Variants in CEP83 observed in about 807,000 individuals in gnomAD.
CEP83 encodes centrosomal protein 83.
CEP83 carries 70 observed loss-of-function variants against 101.9 expected under a neutral mutation model. That is an observed-to-expected ratio of 0.69 (90% CI 0.57 to 0.84). The LOEUF is 0.84. CEP83 is among the 40% of genes least tolerant of loss of function. The pLI is 0.00. For synonymous variants in CEP83, 264 were observed against 267.9 expected, an observed-to-expected ratio of 0.99 and a Z score of 0.14; for missense variants, 715 against 787.2, an observed-to-expected ratio of 0.91 and a Z score of 1.10.
At chr12:94,456,213 C>T (rs557965576) in intron 1 of CEP83, among the ~76,000 whole-genome samples, 3 of 152,262 alleles carry the variant, frequency 2.0e-5, no homozygotes, top group Admixed American at 2.0e-4. Flanking sequence ...AGAATAGTGC[C>T]AGCATTCCTG....
chr12:94,418,101 C>A (rs1451414673), intron 2 of CEP83, among the ~76,000 whole-genome samples: 1 of 152,092 alleles, frequency 6.6e-6, no homozygotes, highest in Non-Finnish European at 1.5e-5. Flanking sequence ...GTGGCTCATG[C>A]CTGTAATCCT....
At chr12:94,300,511 A>G in the CEP83 span, among the ~76,000 whole-genome samples, 2 of 152,212 alleles carry the variant, frequency 1.3e-5, no homozygotes, top group African/African-American at 4.8e-5. Context: ...GGTGTTATCC[A>G]GAGGGAGATG....
intron 6 of CEP83, among the ~76,000 whole-genome samples, chr12:94,386,439 T>C (rs2062153075): frequency 6.6e-6 from 1 of 152,176 alleles, no homozygotes; most frequent in Non-Finnish European, 1.5e-5. Context: ...AGCTCTGCAA[T>C]ACTCTGCTTT....
At chr12:94,348,549 C>T (rs1025329959) in intron 11 of CEP83, among the ~76,000 whole-genome samples, 4 of 151,952 alleles carry the variant, frequency 2.6e-5, no homozygotes, top group African/African-American at 4.8e-5. Flanking sequence ...GGATTTCATA[C>T]GACTACCGGC....
rs561269939 is a variant in CEP83 at position 94,331,515 on chromosome 12, C to T, written c.1707+185G>A. 1.4e-3 allele frequency among the ~76,000 whole-genome samples: 213 copies of T among 151,470 alleles called. 2 individuals are homozygous for T. Among genetic ancestry groups the T allele is most frequent in the African/African-American group, 4.9e-3 (201 of 41,316 alleles). On this transcript the variant is annotated intron_variant, in intron 14 of 16. Coordinates refer to ENST00000397809, the MANE Select transcript of CEP83 (RefSeq NM_016122.3). ...CCGAGTAGCTGGGGCTACAGGCGCC[C>T]GCCACTATGCCTGGCTAATTTTTTT...
intron 11 of CEP83, chr12:94,361,332 T>G (rs1306446102): frequency 3.3e-5 from 5 of 152,174 alleles, no homozygotes; most frequent in Non-Finnish European, 7.3e-5. Context: ...CTACTGCAAT[T>G]GGGCATTCAC....
Position 94,331,705 on chromosome 12 carries a change from T to C in CEP83, c.1702A>G (p.Lys568Glu). 6.2e-7 allele frequency: 1 copy of C among 1,613,778 alleles called. No individual in the cohort carries two copies. Among genetic ancestry groups the C allele is most frequent in the Non-Finnish European group, 8.5e-7 (1 of 1,179,938 alleles). Residue 568 changes from lysine to glutamate, a missense_variant, in exon 14 of 17, where the codon AAA becomes GAA. Coordinates refer to ENST00000397809, the MANE Select transcript of CEP83 (RefSeq NM_016122.3). ...EKLQRAAIAQKKRKSLHENKL... is the reference protein window; with the variant it reads ...EKLQRAAIAQEKRKSLHENKL... ...CTTTAATAAGAACCACTTGCCTTTT[T>C]CTGGGCAATTGCAGCTCGCTGCAGT...
intron 12 of CEP83, 64 bp from the exon 13 acceptor site, chr12:94,333,703 A>T: frequency 6.7e-7 from 1 of 1,501,788 alleles, no homozygotes; most frequent in South Asian, 1.2e-5. Flanking sequence ...GTATGAGAGA[A>T]GCAGAAGATA....
chr12:94,317,727 C>G (rs1970939403), intron 14 of CEP83, among the ~76,000 whole-genome samples: 1 of 151,882 alleles, frequency 6.6e-6, no homozygotes. Context: ...ATGATTGTAG[C>G]TGTGAGGCCT....
chr12:94,401,962 C>T (rs1458131039), intron 5 of CEP83, among the ~76,000 whole-genome samples: 1 of 152,146 alleles, frequency 6.6e-6, no homozygotes, highest in African/African-American at 2.4e-5. Flanking sequence ...CACTAGACTA[C>T]AGCTCTCCAA....
chr12:94,408,754 T>A (rs1455311139), intron 4 of CEP83, among the ~76,000 whole-genome samples: 1 of 152,014 alleles, frequency 6.6e-6, no homozygotes, highest in East Asian at 1.9e-4. Context: ...TAACTTATTT[T>A]ACTTTACTTT....
chr12:94,454,118 G>A (rs1433347606), intron 1 of CEP83, among the ~76,000 whole-genome samples: 1 of 151,402 alleles, frequency 6.6e-6, no homozygotes, highest in Non-Finnish European at 1.5e-5. Flanking sequence ...AAAAATTAGA[G>A]TACCTATTAA....
intron 11 of CEP83, among the ~76,000 whole-genome samples, chr12:94,342,673 C>A (rs1226456156): frequency 6.6e-6 from 1 of 151,696 alleles, no homozygotes; most frequent in African/African-American, 2.4e-5. Flanking sequence ...ATAAAACACA[C>A]ATTTAAAAAG....
chr12:94,373,886 T>C (rs2061409739), intron 8 of CEP83, among the ~76,000 whole-genome samples: 1 of 152,212 alleles, frequency 6.6e-6, no homozygotes, highest in Non-Finnish European at 1.5e-5. Context: ...ACTGTGGCAG[T>C]CATGTTTGAA....
At chr12:94,305,538 G>A, downstream of CEP83, 1 of 423,172 alleles carries the variant, frequency 2.4e-6, no homozygotes, top group Non-Finnish European at 4.3e-6. Context: ...CTTGTTTACA[G>A]AGAATACAAG....
At chr12:94,431,393 T>C (rs1019040937) in intron 2 of CEP83, among the ~76,000 whole-genome samples, 1 of 151,954 alleles carries the variant, frequency 6.6e-6, no homozygotes, top group Non-Finnish European at 1.5e-5. Flanking sequence ...GCAAAAATAG[T>C]ATGGCTAACA....
rs1444537803 is a variant in CEP83 at position 94,376,037 on chromosome 12, G to GT, written c.802-21dup. 1 of 1,449,270 alleles carries GT rather than the reference G, an allele frequency of 6.9e-7. No homozygotes were observed. The highest frequency in any genetic ancestry group is 9.2e-7 in the Non-Finnish European group (1 of 1,084,188). The allele number at this position is 1,449,270 out of a possible 1,614,324, so 89.8% of individuals were successfully genotyped here. On this transcript the variant is annotated intron_variant, in intron 7 of 16. Transcript: ENST00000397809. ...TTCAGCCTTTCATACAAACAAAATAGTTTAAAATTCATCATTTTTCAAGTA... is the reference window on the plus strand; with the variant it reads ...TTCAGCCTTTCATACAAACAAAATAGTTTTAAAATTCATCATTTTTCAAGTA...
At chr12:94,336,733 T>C (rs574192356) in intron 11 of CEP83, among the ~76,000 whole-genome samples, 10 of 152,346 alleles carry the variant, frequency 6.6e-5, no homozygotes, top group African/African-American at 2.4e-4. Context: ...ACCAGTCACA[T>C]TCTTATTTCA....
At position 94,331,737 on chromosome 12, in the gene CEP83, T is replaced by A; in HGVS notation, c.1670A>T (p.Lys557Met). The A allele has an allele frequency of 1.2e-6, 2 of 1,614,106 alleles. No homozygotes were observed. The highest frequency in any genetic ancestry group is 8.5e-7 in the Non-Finnish European group (1 of 1,179,976). ...AATTGCAGCTCGCTGCAGTTTCTCC[T>A]TAGCTTGATTGTACTTTTCTTCTCT... is the stretch of plus-strand genomic sequence containing the variant. ...TDREEKYNQA[K>M]EKLQRAAIAQ... Residue 557 changes from lysine to methionine, a missense_variant, in exon 14 of 17, where the codon AAG becomes ATG. Physicochemically the swap from Lys to Met is moderately conservative, Grantham distance 95. Transcript: ENST00000397809.
Sources: allele counts gnomAD v4.1 joint callset (sites outside exome capture counted in the v4.1 genomes callset), GRCh38; gene constraint gnomAD v4.1.1; transcripts MANE v1.5; gene names NCBI Gene and HGNC (gene_info 2026-07-23, HGNC 2026-07-21).